The following FILIP1L variants were observed in gnomAD, a reference collection of about 807,000 sequenced individuals.
FILIP1L encodes filamin A-interacting protein 1-like.
In FILIP1L, 55 loss-of-function variants were observed where a neutral mutation model predicts 96.6. The observed-to-expected ratio is 0.57, with a 90% CI of 0.46 to 0.71. The LOEUF is 0.71. FILIP1L is among the 30% of genes least tolerant of loss of function. The probability of loss-of-function intolerance (pLI) is 0.00; values close to 1 mark genes in which losing one functional copy is unlikely to be tolerated. For synonymous variants in FILIP1L, 467 were observed against 473.9 expected, an observed-to-expected ratio of 0.99 and a Z score of 0.19; for missense variants, 1,304 against 1,321.2, an observed-to-expected ratio of 0.99 and a Z score of 0.20.
At chr3:100,102,798 CAGTGACTA>C (rs1255506022) in intron 1 of FILIP1L, among the ~76,000 whole-genome samples, 6 of 152,276 alleles carry the variant, frequency 3.9e-5, no homozygotes, top group African/African-American at 1.4e-4. Context: ...TTTCTGAGAT[CAGTGACTA>C]AATTATATTA....
At chr3:99,838,763 C>G (rs1411931608) in intron 5 of FILIP1L, among the ~76,000 whole-genome samples, 1 of 152,144 alleles carries the variant, frequency 6.6e-6, no homozygotes, top group Non-Finnish European at 1.5e-5. Context: ...GAGTTTTAAT[C>G]TACTTATCCC....
intron 1 of FILIP1L, among the ~76,000 whole-genome samples, chr3:100,058,960 G>C (rs2065512212): frequency 6.6e-6 from 1 of 152,206 alleles, no homozygotes; most frequent in African/African-American, 2.4e-5. Flanking sequence ...AAGGCATTTG[G>C]TGCAAGTTCA....
intron 1 of FILIP1L, among the ~76,000 whole-genome samples, chr3:99,986,644 A>G (rs2107115207): frequency 6.6e-6 from 1 of 152,308 alleles, no homozygotes; most frequent in Admixed American, 6.5e-5. Flanking sequence ...ATTGATGAAG[A>G]TTAAATGAAG....
chr3:100,056,932 A>G (rs2065475008), intron 1 of FILIP1L, among the ~76,000 whole-genome samples: 1 of 151,996 alleles, frequency 6.6e-6, no homozygotes, highest in Non-Finnish European at 1.5e-5. Context: ...TGAACCTGGG[A>G]GGCGGAGCTT....
At chr3:100,038,463 C>A (rs1231765448) in intron 1 of FILIP1L, among the ~76,000 whole-genome samples, 2 of 152,020 alleles carry the variant, frequency 1.3e-5, no homozygotes, top group Non-Finnish European at 2.9e-5. Context: ...GAGTAGGGAG[C>A]GGAAACAGGC....
At chr3:99,922,370 C>G (rs1045011001) in intron 4 of FILIP1L, among the ~76,000 whole-genome samples, 1 of 152,106 alleles carries the variant, frequency 6.6e-6, no homozygotes, top group African/African-American at 2.4e-5. Context: ...TTCTTGTGCT[C>G]CTTTAATCTG....
intron 5 of FILIP1L, among the ~76,000 whole-genome samples, chr3:99,831,627 C>G (rs1461301653): frequency 6.6e-6 from 1 of 152,140 alleles, no homozygotes; most frequent in Non-Finnish European, 1.5e-5. Flanking sequence ...ATAGCCTTCC[C>G]AAGATGGATT....
At chr3:99,882,820 T>G (rs2107604274) in intron 4 of FILIP1L, among the ~76,000 whole-genome samples, 1 of 152,346 alleles carries the variant, frequency 6.6e-6, no homozygotes, top group South Asian at 2.1e-4. Context: ...AATGAGCTAG[T>G]TGTCTACTTT....
intron 1 of FILIP1L, among the ~76,000 whole-genome samples, chr3:99,940,577 C>T (rs1223872408): frequency 2.0e-5 from 3 of 152,266 alleles, no homozygotes; most frequent in African/African-American, 7.2e-5. Context: ...CTCTTGCCTA[C>T]ATCTCTGTTG....
intron 1 of FILIP1L, among the ~76,000 whole-genome samples, chr3:99,949,398 T>C (rs1708109998): frequency 6.6e-6 from 1 of 152,254 alleles, no homozygotes; most frequent in South Asian, 2.1e-4. Context: ...GGATTTTTGT[T>C]CTTCAGCTCT....
At chr3:100,057,615 G>T (rs2065487530) in intron 1 of FILIP1L, among the ~76,000 whole-genome samples, 1 of 152,200 alleles carries the variant, frequency 6.6e-6, no homozygotes, top group Non-Finnish European at 1.5e-5. Context: ...TCTGTTACCA[G>T]TTAGTTCAGT....
At chr3:99,968,372 C>G (rs975048049) in intron 1 of FILIP1L, among the ~76,000 whole-genome samples, 1 of 149,888 alleles carries the variant, frequency 6.7e-6, no homozygotes, top group African/African-American at 2.5e-5. Flanking sequence ...GTTTTGCTGT[C>G]TTGTTTACTG....
chr3:99,925,636 C>T (rs866992010), intron 3 of FILIP1L, among the ~76,000 whole-genome samples: 2 of 152,056 alleles, frequency 1.3e-5, no homozygotes, highest in Non-Finnish European at 2.9e-5. Context: ...CAGCTGGTAC[C>T]CTTAGGGGCT....
chr3:99,952,502 G>A (rs1708206920), intron 1 of FILIP1L, among the ~76,000 whole-genome samples: 1 of 152,120 alleles, frequency 6.6e-6, no homozygotes, highest in Non-Finnish European at 1.5e-5. Flanking sequence ...TTCATTCATG[G>A]TTGGCTTAGT....
intron 1 of FILIP1L, among the ~76,000 whole-genome samples, chr3:99,967,469 G>T (rs528524022): frequency 5.9e-5 from 9 of 152,226 alleles, no homozygotes; most frequent in African/African-American, 1.7e-4. Flanking sequence ...AAGAAATATG[G>T]TACATAGTGA....
chr3:99,948,409 A>C lies in FILIP1L; in HGVS notation c.-10-17379T>G, dbSNP rs566436431. On this transcript the variant is annotated intron_variant, in intron 1 of 5. Transcript: ENST00000477258. ...AAAAATTAGCTCGGTAGGGTGATGC[A>C]CACCTGTAGTCCCATCTACTCGTGA... Among the ~76,000 whole-genome samples, 12 of 152,010 alleles carry C rather than the reference A, an allele frequency of 7.9e-5. No homozygotes were observed. The East Asian group carries it at 2.1e-3, about 27-fold the overall frequency.
In FILIP1L at chr3:99,930,953, T is replaced by G. The variant is rs745671205; in HGVS notation, c.68A>C (p.His23Pro). 9.3e-6 allele frequency: 15 copies of G among 1,613,600 alleles called. No homozygotes were observed. The Admixed American group carries it at 2.2e-4, about 23-fold the overall frequency. Residue 23 changes from histidine (H) to proline (P), a missense_variant, in exon 2 of 6, where the codon CAC (histidine) becomes CCC (proline). Coordinates refer to ENST00000477258, the MANE Select transcript of FILIP1L (RefSeq NM_001387850.1). ...CATGTTTTTAGGCCCTTGGAAACTG[T>G]GGCCTTTAGTATGTCTTGGAAATTT... The part of the protein sequence containing the change: ...QKKFPRHTKG[H>P]SFQGPKNMKH...
At chr3:99,836,049 A>G (rs1942884055) in intron 5 of FILIP1L, among the ~76,000 whole-genome samples, 1 of 152,138 alleles carries the variant, frequency 6.6e-6, no homozygotes, top group African/African-American at 2.4e-5. Flanking sequence ...GCCATGGTAG[A>G]AGGTTTGGAC....
chr3:100,039,943 T>TG (rs1240266292), intron 1 of FILIP1L: 2 of 151,962 alleles, frequency 1.3e-5, no homozygotes, highest in African/African-American at 2.4e-5. Context: ...TTAGTAGAGA[T>TG]GGGGTTTCAC....
Sources: gnomAD v4.1 joint callset for allele counts (sites outside exome capture counted in the v4.1 genomes callset) on GRCh38, gnomAD v4.1.1 for gene constraint, MANE v1.5 for transcripts, NCBI Gene and HGNC (gene_info 2026-07-23, HGNC 2026-07-21) for gene names.